CPNE8: variants seen among roughly 807,000 people sequenced by gnomAD.
CPNE8 encodes copine-8.
A neutral mutation model predicts 81.5 loss-of-function variants in CPNE8; 45 were observed. The ratio of observed to expected loss-of-function variants is 0.55; its 90% CI spans 0.44 to 0.71. CPNE8 has a LOEUF of 0.71. Among genes scored for constraint, CPNE8 ranks in the 30% least tolerant of loss-of-function variants. The probability of loss-of-function intolerance (pLI) is 0.00; values close to 1 mark genes in which losing one functional copy is unlikely to be tolerated. For missense variants in CPNE8, 594 were observed against 672.1 expected (o/e 0.88, Z 1.28); for synonymous variants, 252 against 226.3 (o/e 1.11, Z -1.02).
In CPNE8 at chr12:38,746,439, A is replaced by G. The variant is rs1369382602; in HGVS notation, c.722+14408T>C. On this transcript the variant is annotated intron_variant, in intron 10 of 19. Transcript: ENST00000331366. The stretch of plus-strand genomic sequence containing the variant: ...CCAGACTAATTTTTTCCAAAGCTAC[A>G]AATTGTAAGATAGTTAGACACCATA... Among the ~76,000 whole-genome samples the G allele has an allele frequency of 4.6e-5, 7 of 152,224 alleles. No individual in the cohort carries two copies. The East Asian group carries it at 1.3e-3, about 29-fold the overall frequency.
Position 38,861,185 on chromosome 12 carries a change from CAAACTT to C in CPNE8, c.186+11813_186+11818del, listed in dbSNP as rs546894192. On this transcript the variant is annotated intron_variant, in intron 3 of 19. Coordinates refer to ENST00000331366, the MANE Select transcript of CPNE8 (RefSeq NM_153634.3). ...ACTTACATGAGGTATCTAAAATAGT[CAAACTT>C]AAAGAAACAGCACAGAATGGTGGGT... Among the ~76,000 whole-genome samples, 143 of 152,130 alleles carry C rather than the reference CAAACTT, an allele frequency of 9.4e-4. 1 individual carries two copies. In the East Asian group the frequency reaches 0.023, roughly 24 times the overall value.
intron 6 of CPNE8, among the ~76,000 whole-genome samples, chr12:38,797,832 A>G (rs1942534405): frequency 6.6e-6 from 1 of 152,140 alleles, no homozygotes; most frequent in South Asian, 2.1e-4. Flanking sequence ...AACTAGAATA[A>G]CCAATACAGA....
chr12:38,737,083 G>A (rs1352122), intron 10 of CPNE8, among the ~76,000 whole-genome samples: 83,816 of 151,496 alleles, frequency 0.55, 23,734 homozygotes, highest in East Asian at 0.81. Flanking sequence ...TTAAACTATA[G>A]GCCAGTAAGT....
intron 16 of CPNE8, 150 bp downstream of exon 16, chr12:38,685,340 G>T: frequency 2.9e-6 from 2 of 694,372 alleles, no homozygotes; most frequent in Non-Finnish European, 4.6e-6. Flanking sequence ...GTTTGATAGA[G>T]ACTCTTTCTA....
intron 10 of CPNE8, among the ~76,000 whole-genome samples, chr12:38,753,852 C>T (rs181164468): frequency 5.5e-4 from 83 of 152,138 alleles, no homozygotes; most frequent in Non-Finnish European, 1.0e-3. Flanking sequence ...TAAACTTCAA[C>T]GTCAGTATGT....
intron 8 of CPNE8, among the ~76,000 whole-genome samples, 160 bp downstream of exon 8, chr12:38,767,475 A>G (rs1941713213): frequency 6.6e-6 from 1 of 152,150 alleles, no homozygotes; most frequent in Non-Finnish European, 1.5e-5. Flanking sequence ...AAATGTTTAT[A>G]AAGTTGCACA....
At chr12:38,748,244 C>T (rs1162427867) in intron 10 of CPNE8, among the ~76,000 whole-genome samples, 1 of 151,890 alleles carries the variant, frequency 6.6e-6, no homozygotes, top group Non-Finnish European at 1.5e-5. Flanking sequence ...TTCCTGACCT[C>T]AAGTGATCCG....
At chr12:38,839,492 A>G (rs1156441306) in intron 5 of CPNE8, among the ~76,000 whole-genome samples, 1 of 152,018 alleles carries the variant, frequency 6.6e-6, no homozygotes, top group Non-Finnish European at 1.5e-5. Flanking sequence ...GCATATATAG[A>G]TATTCAGGAA....
intron 13 of CPNE8, 74 bp from the exon 14 acceptor site, chr12:38,702,995 A>T (rs1309288032): frequency 5.0e-6 from 5 of 1,007,560 alleles, no homozygotes; most frequent in African/African-American, 1.6e-5. Context: ...CATTTCGGTT[A>T]TATTTTTTAA....
At chr12:38,730,863 TAATAGTTAATA>T (rs1409555392) in intron 10 of CPNE8, among the ~76,000 whole-genome samples, 2 of 151,722 alleles carry the variant, frequency 1.3e-5, no homozygotes, top group African/African-American at 4.8e-5. Context: ...TTTTTTTCTA[TAATAGTTAATA>T]AATATTTTAT....
At position 38,688,969 on chromosome 12, in the gene CPNE8, A is replaced by T. The variant is rs576446863; in HGVS notation, c.1144-3352T>A. Among the ~76,000 whole-genome samples, 4 of 152,332 alleles carry T rather than the reference A, an allele frequency of 2.6e-5. No individual in the cohort carries two copies. In the East Asian group the frequency reaches 7.7e-4, roughly 29 times the overall value. ...CAAAACTAGTGAAATAAGTAAAAAC[A>T]TTTTAAATGTGTTTAAAAACTCATT... On this transcript the variant is annotated intron_variant, in intron 15 of 19. Coordinates refer to ENST00000331366, the MANE Select transcript of CPNE8 (RefSeq NM_153634.3).
chr12:38,738,818 T>TTTTTTTTTTTTTTTTTTTTTTG (rs1941014314), intron 10 of CPNE8, among the ~76,000 whole-genome samples: 1 of 129,700 alleles, frequency 7.7e-6, no homozygotes, highest in African/African-American at 3.0e-5. Context: ...TTTTTTTTTT[T>TTTTTTTTTTTTTTTTTTTTTTG]CTTTTTTTTT....
intron 10 of CPNE8, among the ~76,000 whole-genome samples, chr12:38,732,336 A>G (rs1225858929): frequency 6.6e-6 from 1 of 151,980 alleles, no homozygotes; most frequent in African/African-American, 2.4e-5. Context: ...GTCTGACAGA[A>G]TAACAAATCC....
intron 18 of CPNE8, 39 bp from the exon 19 acceptor site, chr12:38,670,841 A>G: frequency 7.0e-7 from 1 of 1,429,848 alleles, no homozygotes; most frequent in Non-Finnish European, 9.7e-7. Context: ...AGTACATTTT[A>G]GCCAAATACT....
At chr12:38,776,387 T>C (rs1941936883) in intron 6 of CPNE8, 86 bp from the exon 7 acceptor site, 1 of 389,332 alleles carries the variant, frequency 2.6e-6, no homozygotes, top group Non-Finnish European at 4.2e-6. Context: ...TTTATTTTTA[T>C]GTACTCTAAT....
intron 3 of CPNE8, among the ~76,000 whole-genome samples, chr12:38,857,698 G>C (rs955190285): frequency 2.0e-5 from 3 of 152,124 alleles, no homozygotes; most frequent in African/African-American, 4.8e-5. Context: ...GGATCACGAG[G>C]TCAGGAGTTC....
intron 6 of CPNE8, among the ~76,000 whole-genome samples, chr12:38,795,046 C>T (rs922918332): frequency 6.6e-6 from 1 of 152,198 alleles, no homozygotes; most frequent in African/African-American, 2.4e-5. Context: ...ACCCCAAGTT[C>T]TTCAGCTTTT....
intron 6 of CPNE8, among the ~76,000 whole-genome samples, chr12:38,799,568 G>A (rs866232091): frequency 6.6e-6 from 1 of 152,084 alleles, no homozygotes; most frequent in Non-Finnish European, 1.5e-5. Flanking sequence ...GAAATTTATA[G>A]CACTAAATGC....
chr12:38,846,141 G>C (rs533391413), intron 4 of CPNE8, among the ~76,000 whole-genome samples: 11 of 152,240 alleles, frequency 7.2e-5, no homozygotes, highest in African/African-American at 2.4e-4. Flanking sequence ...TGAGTATCAG[G>C]TAATGAATGA....
Sources: gnomAD v4.1 joint callset for allele counts (sites outside exome capture counted in the v4.1 genomes callset) on GRCh38, gnomAD v4.1.1 for gene constraint, MANE v1.5 for transcripts, NCBI Gene and HGNC (gene_info 2026-07-23, HGNC 2026-07-21) for gene names.